Variants in HS6ST3 observed in about 807,000 individuals in gnomAD.
HS6ST3 encodes the protein heparan-sulfate 6-O-sulfotransferase 3.
Under a neutral mutation model 36.7 loss-of-function variants are expected in HS6ST3, and 12 were observed. The observed-to-expected ratio is 0.33, with a 90% CI of 0.21 to 0.53. The LOEUF (loss-of-function observed/expected upper bound fraction) is 0.53, where lower values mean the gene tolerates loss of function less well. Ranked by LOEUF, HS6ST3 falls within the 20% of genes least tolerant of loss-of-function variation. The pLI, the probability that HS6ST3 is intolerant of heterozygous loss-of-function variation, is 0.95. For synonymous variants in HS6ST3, 240 were observed against 257.5 expected (o/e 0.93, Z 0.65); for missense variants, 584 against 640.9 (o/e 0.91, Z 0.96).
chr13:96,521,780 T>C (rs2056094552), intron 1 of HS6ST3, among the ~76,000 whole-genome samples: 2 of 152,206 alleles, frequency 1.3e-5, no homozygotes, highest in African/African-American at 4.8e-5. Context: ...CTATCTATTT[T>C]GTTGATCTTT....
intron 1 of HS6ST3, among the ~76,000 whole-genome samples, chr13:96,180,146 C>A (rs1378583042): frequency 1.3e-5 from 2 of 152,180 alleles, no homozygotes; most frequent in East Asian, 3.9e-4. Flanking sequence ...GTGTTTCCTG[C>A]TTTTAGGATG....
chr13:96,470,649 G>A (rs926246939), intron 1 of HS6ST3, among the ~76,000 whole-genome samples: 5 of 152,026 alleles, frequency 3.3e-5, no homozygotes, highest in Non-Finnish European at 2.9e-5. Flanking sequence ...AGTTGTCTAC[G>A]TTTATTTCTG....
intron 1 of HS6ST3, among the ~76,000 whole-genome samples, chr13:96,800,082 A>G (rs542758928): frequency 6.7e-6 from 1 of 148,284 alleles, no homozygotes; most frequent in African/African-American, 2.5e-5. Flanking sequence ...AGATCCACAA[A>G]TAATAGCCCT....
rs2055092832 is a variant in HS6ST3, at chr13:96,334,984, T to G, written c.707+243415T>G. ...TCAGTTGGTTAGTGGCAAAGGAGGA[T>G]AGGTGTTCAGAGAACTTAATGAGCT... is the stretch of plus-strand genomic sequence containing the variant. On this transcript the variant is annotated intron_variant, in intron 1 of 1. Transcript: ENST00000376705. 2.6e-5 allele frequency among the ~76,000 whole-genome samples: 4 copies of G among 152,206 alleles called. No homozygotes were observed. The South Asian group carries it at 8.3e-4, about 32-fold the overall frequency.
At chr13:96,804,221 G>A (rs1878147084) in intron 1 of HS6ST3, among the ~76,000 whole-genome samples, 1 of 152,132 alleles carries the variant, frequency 6.6e-6, no homozygotes, top group Admixed American at 6.6e-5. Context: ...ACGGCTAGTG[G>A]TAGTGATGGA....
intron 1 of HS6ST3, among the ~76,000 whole-genome samples, chr13:96,723,677 C>A (rs1875914397): frequency 6.6e-6 from 1 of 152,194 alleles, no homozygotes; most frequent in Non-Finnish European, 1.5e-5. Flanking sequence ...CATTCACAGC[C>A]CACCCATGGA....
intron 1 of HS6ST3, among the ~76,000 whole-genome samples, chr13:96,823,428 T>C (rs1421957685): frequency 6.6e-6 from 1 of 152,222 alleles, no homozygotes; most frequent in African/African-American, 2.4e-5. Context: ...AAGAACATTG[T>C]ATTCTTATGA....
chr13:96,552,726 C>A (rs1222250964), intron 1 of HS6ST3, among the ~76,000 whole-genome samples: 2 of 152,086 alleles, frequency 1.3e-5, no homozygotes, highest in African/African-American at 4.8e-5. Context: ...TCAAGGGCTA[C>A]TTCAGCAGGT....
intron 1 of HS6ST3, among the ~76,000 whole-genome samples, chr13:96,624,731 T>C (rs767541488): frequency 2.6e-5 from 4 of 152,232 alleles, no homozygotes; most frequent in Non-Finnish European, 4.4e-5. Flanking sequence ...GACTCGCTTT[T>C]GTTTGCTCAG....
chr13:96,724,394 A>T (rs1462906542), intron 1 of HS6ST3, among the ~76,000 whole-genome samples: 1 of 152,220 alleles, frequency 6.6e-6, no homozygotes, highest in Non-Finnish European at 1.5e-5. Flanking sequence ...AGGCATTTTT[A>T]AAATGTACAA....
intron 1 of HS6ST3, among the ~76,000 whole-genome samples, chr13:96,303,823 A>T (rs1428461217): frequency 1.3e-5 from 2 of 152,154 alleles, no homozygotes; most frequent in Non-Finnish European, 2.9e-5. Flanking sequence ...AGATTTAATG[A>T]CTGGAACTAG....
chr13:96,393,719 G>A (rs1251639784), intron 1 of HS6ST3, among the ~76,000 whole-genome samples: 1 of 152,192 alleles, frequency 6.6e-6, no homozygotes, highest in Admixed American at 6.5e-5. Flanking sequence ...AAAGAACTCA[G>A]CCGGCAGAGG....
chr13:96,512,117 C>T (rs1594797132), intron 1 of HS6ST3, among the ~76,000 whole-genome samples: 1 of 152,142 alleles, frequency 6.6e-6, no homozygotes, highest in South Asian at 2.1e-4. Flanking sequence ...CCTAATTGCT[C>T]TGGCTAGGAC....
chr13:96,694,332 A>G (rs953757192), intron 1 of HS6ST3, among the ~76,000 whole-genome samples: 3 of 152,158 alleles, frequency 2.0e-5, no homozygotes, highest in Admixed American at 6.6e-5. Context: ...TGTTCCTGCA[A>G]AGGACATGAT....
At position 96,236,479 on chromosome 13, in the gene HS6ST3, ACT is replaced by A. The variant is rs1227473722; in HGVS notation, c.707+144917_707+144918del. ...TCACTGTCCATTCCTCACCTCTGCC[ACT>A]CTCTCTTCACTTTCCTCCATACTCA... On this transcript the variant is annotated intron_variant, in intron 1 of 1. Coordinates refer to ENST00000376705, the MANE Select transcript of HS6ST3 (RefSeq NM_153456.4). Among the ~76,000 whole-genome samples, 4 of 151,236 alleles carry A rather than the reference ACT, an allele frequency of 2.6e-5. No homozygotes were observed. The East Asian group carries it at 5.8e-4, about 22-fold the overall frequency.
chr13:96,717,326 C>T (rs533291049), intron 1 of HS6ST3, among the ~76,000 whole-genome samples: 1 of 152,154 alleles, frequency 6.6e-6, no homozygotes, highest in South Asian at 2.1e-4. Context: ...CCCATTGGCT[C>T]TTCTAGAATT....
chr13:96,819,111 C>T (rs1878480184), intron 1 of HS6ST3, among the ~76,000 whole-genome samples: 2 of 152,176 alleles, frequency 1.3e-5, no homozygotes, highest in African/African-American at 4.8e-5. Flanking sequence ...ATTCATTTGC[C>T]TTTCCTATGT....
Position 96,377,968 on chromosome 13 carries a change from G to A in HS6ST3, c.707+286399G>A, listed in dbSNP as rs1322716929. On this transcript the variant is annotated intron_variant, in intron 1 of 1. Transcript: ENST00000376705. ...TTTCCTTAAGAAATTTCCAAAGGAA[G>A]CCTATTTTATTTACTGGGTTTTGAT... Among the ~76,000 whole-genome samples the A allele has an allele frequency of 2.0e-5, 3 of 152,272 alleles. No homozygotes were observed. In the East Asian group the frequency reaches 5.8e-4, roughly 29 times the overall value.
intron 1 of HS6ST3, among the ~76,000 whole-genome samples, chr13:96,391,863 T>G (rs568676122): frequency 6.6e-6 from 1 of 152,294 alleles, no homozygotes; most frequent in South Asian, 2.1e-4. Context: ...TCTGAGATTG[T>G]TTAATCATTT....
Sources: gnomAD v4.1 joint callset for allele counts (sites outside exome capture counted in the v4.1 genomes callset) on GRCh38, gnomAD v4.1.1 for gene constraint, MANE v1.5 for transcripts, NCBI Gene and HGNC (gene_info 2026-07-23, HGNC 2026-07-21) for gene names.